ITCH: variants seen among roughly 807,000 people sequenced by gnomAD.
ITCH encodes the protein itchy E3 ubiquitin protein ligase.
ITCH carries 28 observed loss-of-function variants against 126.8 expected under a neutral mutation model. The observed-to-expected ratio is 0.22, with a 90% CI of 0.16 to 0.30. The LOEUF (loss-of-function observed/expected upper bound fraction) is 0.30. Ranked by LOEUF, ITCH falls within the 10% of genes least tolerant of loss-of-function variation. The pLI, the probability that ITCH is intolerant of heterozygous loss-of-function variation, is 1.00. For missense variants in ITCH, 631 were observed against 1,032.4 expected, an observed-to-expected ratio of 0.61 and a Z score of 5.33; for synonymous variants, 342 against 340.0, an observed-to-expected ratio of 1.01 and a Z score of -0.06.
chr20:34,384,438 G>A (rs776291598), intron 2 of ITCH, among the ~76,000 whole-genome samples: 19 of 151,240 alleles, frequency 1.3e-4, no homozygotes, highest in Non-Finnish European at 2.7e-4. Flanking sequence ...GCGCCACCAT[G>A]TCCAGCTCAT....
chr20:34,487,567 T>C (rs1339672446), intron 20 of ITCH, among the ~76,000 whole-genome samples: 1 of 152,214 alleles, frequency 6.6e-6, no homozygotes, highest in Non-Finnish European at 1.5e-5. Flanking sequence ...TGTTTAACTT[T>C]AGTGGCAACT....
chr20:34,452,069 CAAAAAAAAAAAA>C (rs765697780), intron 12 of ITCH, among the ~76,000 whole-genome samples: 1 of 53,316 alleles, frequency 1.9e-5, no homozygotes, highest in Non-Finnish European at 4.0e-5. Flanking sequence ...GACCCTGTCT[CAAAAAAAAAAAA>C]AAAAAAAAAA....
In ITCH at chr20:34,393,707, TAATA is replaced by T. The variant is rs1408635292; in HGVS notation, c.-21-79_-21-76del. 1.2e-5 allele frequency: 10 copies of T among 842,742 alleles called. No homozygotes were observed. In the South Asian group the frequency reaches 1.2e-4, roughly 10 times the overall value. 52.2% of individuals were successfully genotyped at this position (842,742 alleles called of 1,614,324 possible). A position where few individuals can be genotyped will look rare whatever the true frequency, so the allele number is the denominator to read the frequency against. On this transcript the variant is annotated intron_variant, in intron 2 of 24. Transcript: ENST00000374864. ...AAGGCCTTTGTTACATGGTCTTCAG[TAATA>T]AATAGCCAGGTTAGCACTATTTATA...
chr20:34,480,267 G>A (rs563551396), intron 18 of ITCH, among the ~76,000 whole-genome samples: 172 of 151,856 alleles, frequency 1.1e-3, no homozygotes, highest in Non-Finnish European at 1.9e-3. Context: ...GCGTGATCTC[G>A]GCCCACCACA....
intron 17 of ITCH, among the ~76,000 whole-genome samples, chr20:34,479,361 A>G (rs1486013588): frequency 6.6e-6 from 1 of 152,256 alleles, no homozygotes; most frequent in Non-Finnish European, 1.5e-5. Flanking sequence ...ATTGGAAAAT[A>G]CAATTTAGTC....
At chr20:34,485,040 T>G (rs1989010815) in intron 20 of ITCH, among the ~76,000 whole-genome samples, 1 of 152,242 alleles carries the variant, frequency 6.6e-6, no homozygotes. Flanking sequence ...TCATAGAGTA[T>G]GTACTCTTAT....
chr20:34,378,268 C>T (rs534185498), intron 2 of ITCH, among the ~76,000 whole-genome samples: 6 of 151,638 alleles, frequency 4.0e-5, no homozygotes, highest in Non-Finnish European at 5.9e-5. Flanking sequence ...GTCAGGAGTT[C>T]GAGAGCAGCC....
intron 12 of ITCH, among the ~76,000 whole-genome samples, chr20:34,450,440 A>G (rs763719842): frequency 3.3e-5 from 5 of 152,204 alleles, no homozygotes; most frequent in Non-Finnish European, 7.3e-5. Context: ...GCTCAAGAGC[A>G]TGTGCTGTTA....
intron 23 of ITCH, among the ~76,000 whole-genome samples, chr20:34,494,098 G>A (rs1209568502): frequency 2.0e-5 from 3 of 152,164 alleles, no homozygotes; most frequent in Non-Finnish European, 2.9e-5. Context: ...GCGTGTTGAC[G>A]CACACTTGTA....
At chr20:34,430,477 G>C (rs977443335) in intron 7 of ITCH, among the ~76,000 whole-genome samples, 1 of 151,810 alleles carries the variant, frequency 6.6e-6, no homozygotes, top group Non-Finnish European at 1.5e-5. Flanking sequence ...ATTTTGTTCT[G>C]TTTTGTTTTG....
At chr20:34,439,536 A>G (rs1050077747) in intron 8 of ITCH, among the ~76,000 whole-genome samples, 2 of 152,218 alleles carry the variant, frequency 1.3e-5, no homozygotes, top group Non-Finnish European at 2.9e-5. Context: ...TCGGCCTCCC[A>G]AAGTGTGGGA....
intron 1 of ITCH, among the ~76,000 whole-genome samples, chr20:34,364,703 AC>A (rs2037342645): frequency 8.1e-6 from 1 of 122,770 alleles, no homozygotes; most frequent in Non-Finnish European, 1.7e-5. Context: ...ACATGGTGAA[AC>A]CCCGTCTCTA....
Position 34,478,967 on chromosome 20 carries a change from T to A in ITCH, c.1659-663T>A, listed in dbSNP as rs530882551. Reference sequence around the variant, plus strand: ...GGAAAAGAGATCCAGATTACAGGCTTATGCCACATGTATTACCCCAGATCA... The same window carrying A: ...GGAAAAGAGATCCAGATTACAGGCTAATGCCACATGTATTACCCCAGATCA... On this transcript the variant is annotated intron_variant, in intron 17 of 24. Transcript: ENST00000374864. 1.1e-4 allele frequency among the ~76,000 whole-genome samples: 16 copies of A among 152,290 alleles called. No individual in the cohort carries two copies. In the South Asian group the frequency reaches 1.7e-3, roughly 16 times the overall value.
chr20:34,370,734 A>G (rs578124166), intron 2 of ITCH, among the ~76,000 whole-genome samples: 1 of 152,182 alleles, frequency 6.6e-6, no homozygotes, highest in African/African-American at 2.4e-5. Flanking sequence ...AGTATTGTGA[A>G]GGAAAACATG....
intron 5 of ITCH, 29 bp from the exon 6 acceptor site, chr20:34,413,713 A>G (rs2146173711): frequency 6.3e-7 from 1 of 1,589,792 alleles, no homozygotes; most frequent in Admixed American, 1.8e-5. Flanking sequence ...AAAAGTGACC[A>G]TTTTTTCTGT....
At chr20:34,417,640 TC>T (rs1340446471) in intron 6 of ITCH, among the ~76,000 whole-genome samples, 2 of 149,292 alleles carry the variant, frequency 1.3e-5, no homozygotes, top group Non-Finnish European at 3.0e-5. Context: ...CCTCAGTTGA[TC>T]CGCCTGCCTA....
intron 3 of ITCH, among the ~76,000 whole-genome samples, chr20:34,400,956 A>G (rs1175682659): frequency 6.6e-6 from 1 of 152,060 alleles, no homozygotes; most frequent in Non-Finnish European, 1.5e-5. Context: ...ATGAGGCTTT[A>G]CCATGTTGTC....
chr20:34,498,516 CTTG>C (rs1990033120), intron 23 of ITCH, among the ~76,000 whole-genome samples: 3 of 152,098 alleles, frequency 2.0e-5, no homozygotes, highest in South Asian at 2.1e-4. Flanking sequence ...CTGTGCCTAA[CTTG>C]TTGAGAGTTT....
Position 34,459,332 on chromosome 20 carries a change from G to T in ITCH, c.1295+1858G>T, listed in dbSNP as rs116583641. 4.3e-3 allele frequency among the ~76,000 whole-genome samples: 656 copies of T among 152,244 alleles called. 15 individuals are homozygous for T. The highest frequency in any genetic ancestry group is 0.014 in the African/African-American group (596 of 41,540). On this transcript the variant is annotated intron_variant, in intron 13 of 24. Transcript: ENST00000374864. ...GTATCACCAACCAGGGAAGTCTCTG[G>T]TATCTAGGGTTTTTATTGGGGCTTG...
Sources: allele counts gnomAD v4.1 joint callset (sites outside exome capture counted in the v4.1 genomes callset), GRCh38; gene constraint gnomAD v4.1.1; transcripts MANE v1.5; gene names NCBI Gene and HGNC (gene_info 2026-07-23, HGNC 2026-07-21).